Variants in TMEM154 observed in about 807,000 individuals in gnomAD.
TMEM154 encodes the protein transmembrane protein 154.
In TMEM154, 27 loss-of-function variants were observed where a neutral mutation model predicts 24.5. The observed-to-expected ratio is 1.10, with a 90% CI of 0.81 to 1.52. TMEM154 has a LOEUF of 1.52. Ranked by LOEUF, TMEM154 falls within the 40% of genes most tolerant of loss-of-function variation. The pLI is 0.00. For synonymous variants in TMEM154, 67 were observed against 76.8 expected, an observed-to-expected ratio of 0.87 and a Z score of 0.67; for missense variants, 228 against 213.4, an observed-to-expected ratio of 1.07 and a Z score of -0.43.
Position 152,652,852 on chromosome 4 carries a change from C to G in TMEM154, c.140G>C (p.Ser47Thr). ...SERPNKVTIP[S>T]TFAAVTIKET... is the part of the protein sequence containing the mutation. ...TTTGATGGTCACTGCAGCAAATGTG[C>G]TTGGAATAGTCACTTTATTTGGTCT... The change falls in exon 2 of 7, where the codon AGC (serine) becomes ACC (threonine). Residue 47 changes from serine to threonine, a missense_variant. Ser to Thr is a moderately conservative substitution (Grantham distance 58). Coordinates refer to ENST00000304385, the MANE Select transcript of TMEM154 (RefSeq NM_152680.3). 1 of 1,613,964 alleles carries G rather than the reference C, an allele frequency of 6.2e-7. No individual in the cohort carries two copies. The highest frequency in any genetic ancestry group is 8.5e-7 in the Non-Finnish European group (1 of 1,179,940).
intron 5 of TMEM154, 100 bp from the exon 6 acceptor site, chr4:152,641,085 G>C (rs1752249483): frequency 8.8e-7 from 1 of 1,133,028 alleles, no homozygotes. Context: ...TGATCTGCGT[G>C]GTTACTTGCA....
In TMEM154 at chr4:152,623,540, T is replaced by C. The variant is rs113472518; in HGVS notation, c.*5006A>G. ...ACTGGAAAAATGTTGTTTGCTGCAG[T>C]GTAGTAGCTACATATCATTCTTTAG... On this transcript the variant is annotated 3_prime_UTR_variant, in exon 7 of 7. Coordinates refer to ENST00000304385, the MANE Select transcript of TMEM154 (RefSeq NM_152680.3). 25 of 152,298 alleles carry C rather than the reference T, an allele frequency of 1.6e-4. 1 individual carries two copies. Among genetic ancestry groups the C allele is most frequent in the African/African-American group, 5.3e-4 (22 of 41,560 alleles). 9.4% of individuals were successfully genotyped at this position (152,298 alleles called of 1,614,324 possible).
intron 6 of TMEM154, among the ~76,000 whole-genome samples, chr4:152,631,660 G>A (rs1483746498): frequency 6.6e-6 from 1 of 151,972 alleles, no homozygotes; most frequent in African/African-American, 2.4e-5. Flanking sequence ...CGAACTCCTG[G>A]GCTCAAGCAA....
At chr4:152,676,781 A>G (rs1261101326) in intron 1 of TMEM154, among the ~76,000 whole-genome samples, 3 of 152,170 alleles carry the variant, frequency 2.0e-5, no homozygotes, top group African/African-American at 7.2e-5. Flanking sequence ...CCTTGTCAAG[A>G]TTCATCCAAT....
At position 152,626,222 on chromosome 4, in the gene TMEM154, A is replaced by G. The variant is rs916616603; in HGVS notation, c.*2324T>C. On this transcript the variant is annotated 3_prime_UTR_variant, in exon 7 of 7. Coordinates refer to ENST00000304385, the MANE Select transcript of TMEM154 (RefSeq NM_152680.3). ...TGTACGAAAATGCAATCAAACTTACATATCTTTTAAATATTCGAAAGTCAG... is the reference window on the plus strand; with the variant it reads ...TGTACGAAAATGCAATCAAACTTACGTATCTTTTAAATATTCGAAAGTCAG... The G allele has an allele frequency of 8.5e-5, 13 of 152,702 alleles. No homozygotes were observed. The highest frequency in any genetic ancestry group is 2.4e-5 in the African/African-American group (1 of 41,476). 9.5% of individuals were successfully genotyped at this position (152,702 alleles called of 1,614,324 possible). A position where few individuals can be genotyped will look rare whatever the true frequency, so the allele number is the denominator to read the frequency against.
At chr4:152,661,312 CT>C in intron 1 of TMEM154, among the ~76,000 whole-genome samples, 1 of 141,534 alleles carries the variant, frequency 7.1e-6, no homozygotes, top group African/African-American at 2.9e-5. Flanking sequence ...CTCTCTCTCT[CT>C]CTCTCTCTCT....
At position 152,620,277 on chromosome 4, in the gene TMEM154, T is replaced by C. The variant is rs1012509166; in HGVS notation, c.*8269A>G. ...CTCTAGTAAGTGGGAACTTTATTTT[T>C]TCACCTAGTGACCAAACCTTTACCA... On this transcript the variant is annotated 3_prime_UTR_variant, in exon 7 of 7. Transcript: ENST00000304385. The C allele has an allele frequency of 5.9e-5, 9 of 152,208 alleles. No individual in the cohort carries two copies. Among genetic ancestry groups the C allele is most frequent in the African/African-American group, 1.4e-4 (6 of 41,458 alleles). 9.4% of individuals were successfully genotyped at this position (152,208 alleles called of 1,614,324 possible).
At chr4:152,654,355 T>C (rs1222658044) in intron 1 of TMEM154, among the ~76,000 whole-genome samples, 2 of 152,218 alleles carry the variant, frequency 1.3e-5, no homozygotes, top group African/African-American at 4.8e-5. Flanking sequence ...CTCTGCGGTA[T>C]AGGTTAGGCA....
intron 6 of TMEM154, among the ~76,000 whole-genome samples, chr4:152,631,151 A>C (rs899707647): frequency 2.0e-5 from 3 of 152,202 alleles, no homozygotes; most frequent in African/African-American, 7.2e-5. Context: ...TAAAGCTTTA[A>C]TGGCCCATTG....
chr4:152,649,943 C>T (rs971746306), intron 3 of TMEM154, among the ~76,000 whole-genome samples: 8 of 152,206 alleles, frequency 5.3e-5, no homozygotes, highest in Admixed American at 2.6e-4. Context: ...AAGTGTGCAA[C>T]ATTGTGTCTA....
chr4:152,632,974 T>G (rs1035688181), intron 6 of TMEM154, among the ~76,000 whole-genome samples: 8 of 152,000 alleles, frequency 5.3e-5, no homozygotes, highest in African/African-American at 1.9e-4. Context: ...CACAGACACA[T>G]GAATGAATGT....
At chr4:152,663,923 G>A (rs926160184) in intron 1 of TMEM154, among the ~76,000 whole-genome samples, 15 of 152,224 alleles carry the variant, frequency 9.9e-5, no homozygotes, top group African/African-American at 3.4e-4. Flanking sequence ...GGGAAGAAAT[G>A]TTTGAGGTAA....
chr4:152,637,217 A>G (rs1472734490), intron 6 of TMEM154, among the ~76,000 whole-genome samples: 2 of 152,250 alleles, frequency 1.3e-5, no homozygotes, highest in Non-Finnish European at 2.9e-5. Flanking sequence ...TTGCCACTGC[A>G]TAAGAATAAT....
At chr4:152,650,019 G>T (rs1448665957) in intron 3 of TMEM154, among the ~76,000 whole-genome samples, 2 of 152,170 alleles carry the variant, frequency 1.3e-5, no homozygotes, top group Non-Finnish European at 2.9e-5. Flanking sequence ...GATCATCTGA[G>T]CCTTCCGCAA....
chr4:152,640,325 C>G (rs867758632), intron 6 of TMEM154, among the ~76,000 whole-genome samples: 2 of 152,166 alleles, frequency 1.3e-5, no homozygotes, highest in Admixed American at 6.5e-5. Flanking sequence ...CCTTAGAACA[C>G]TTCCCATGTC....
intron 1 of TMEM154, among the ~76,000 whole-genome samples, chr4:152,656,752 T>A (rs180900972): frequency 6.6e-6 from 1 of 151,686 alleles, no homozygotes; most frequent in Non-Finnish European, 1.5e-5. Flanking sequence ...AGAAACCCCA[T>A]CTCTACGAAA....
At chr4:152,644,763 A>G (rs778263034) in intron 3 of TMEM154, among the ~76,000 whole-genome samples, 12 of 152,224 alleles carry the variant, frequency 7.9e-5, no homozygotes, top group Non-Finnish European at 1.5e-4. Context: ...GGGAGGGTGA[A>G]ACAAGAGGGC....
chr4:152,649,015 A>C (rs924203070), intron 3 of TMEM154, among the ~76,000 whole-genome samples: 2 of 152,182 alleles, frequency 1.3e-5, no homozygotes, highest in Non-Finnish European at 2.9e-5. Flanking sequence ...ACTTCTTTGG[A>C]ATCTATTATA....
At chr4:152,658,817 GAA>G (rs34975631) in intron 1 of TMEM154, among the ~76,000 whole-genome samples, 190 of 143,802 alleles carry the variant, frequency 1.3e-3, no homozygotes, top group African/African-American at 4.1e-3. Flanking sequence ...CATCTCAAAA[GAA>G]AAAAAAAAAA....
Sources: allele counts gnomAD v4.1 joint callset (sites outside exome capture counted in the v4.1 genomes callset), GRCh38; gene constraint gnomAD v4.1.1; transcripts MANE v1.5; gene names NCBI Gene and HGNC (gene_info 2026-07-23, HGNC 2026-07-21).